Variants in RUBCN observed in about 807,000 individuals in gnomAD.
RUBCN encodes run domain Beclin-1-interacting and cysteine-rich domain-containing protein.
Under a neutral mutation model 113.2 loss-of-function variants are expected in RUBCN, and 74 were observed. That is an observed-to-expected ratio of 0.65 (90% CI 0.54 to 0.79). The LOEUF is 0.79. Among genes scored for constraint, RUBCN ranks in the 30% least tolerant of loss-of-function variants. The pLI is 0.00. For missense variants in RUBCN, 1,109 were observed against 1,251.7 expected (o/e 0.89, Z 1.72); for synonymous variants, 480 against 490.0 (o/e 0.98, Z 0.27).
At chr3:197,724,774 A>G (rs1306713926) in intron 1 of RUBCN, among the ~76,000 whole-genome samples, 2 of 152,252 alleles carry the variant, frequency 1.3e-5, no homozygotes, top group African/African-American at 4.8e-5. Flanking sequence ...TACGATCTCA[A>G]CATAAAAATA....
chr3:197,691,032 A>C, intron 11 of RUBCN: 1 of 1,071,060 alleles, frequency 9.3e-7, no homozygotes, highest in South Asian at 1.3e-5. Context: ...ACATTCTCAC[A>C]CATGCATCTA....
chr3:197,723,502 A>T (rs1026415315), intron 1 of RUBCN, among the ~76,000 whole-genome samples: 10 of 152,322 alleles, frequency 6.6e-5, no homozygotes, highest in African/African-American at 2.4e-4. Flanking sequence ...AAGTTATTTT[A>T]AACTGACAGT....
chr3:197,717,187 C>T (rs1339829898), intron 2 of RUBCN, among the ~76,000 whole-genome samples: 2 of 151,052 alleles, frequency 1.3e-5, no homozygotes. Context: ...GTAATCCCAG[C>T]ACTTTGGGAG....
rs545198851 is a variant in RUBCN, at chr3:197,672,694, T to A, written c.*2324A>T. 2 of 152,348 alleles carry A rather than the reference T, an allele frequency of 1.3e-5. No individual in the cohort carries two copies. Among genetic ancestry groups the A allele is most frequent in the East Asian group, 3.8e-4 (2 of 5,196 alleles). 9.4% of individuals were successfully genotyped at this position (152,348 alleles called of 1,614,324 possible). A position where few individuals can be genotyped will look rare whatever the true frequency, so the allele number is the denominator to read the frequency against. On this transcript the variant is annotated 3_prime_UTR_variant, in exon 20 of 20. Coordinates refer to ENST00000296343, the MANE Select transcript of RUBCN (RefSeq NM_014687.4). Reference sequence around the variant, plus strand: ...TGACCTGGAGAAAGAGCTGGATGTGTCACCTTTTTGTTTTTTGAGACGGAG... The same window carrying A: ...TGACCTGGAGAAAGAGCTGGATGTGACACCTTTTTGTTTTTTGAGACGGAG...
At chr3:197,691,535 G>A (rs1030194952) in intron 11 of RUBCN, among the ~76,000 whole-genome samples, 1 of 152,146 alleles carries the variant, frequency 6.6e-6, no homozygotes. Flanking sequence ...TGGCCCACGT[G>A]TTGGGAAACC....
chr3:197,717,915 T>C lies in RUBCN; in HGVS notation c.219+62A>G, dbSNP rs544053818. 4 of 1,598,346 alleles carry C rather than the reference T, an allele frequency of 2.5e-6. No homozygotes were observed. In the African/African-American group the frequency reaches 4.0e-5, roughly 16 times the overall value. ...GTGGCCTTCATCTCCTCCCTGCCAA[T>C]GCGACTGTTTCTTTTCAACAAGCGA... On this transcript the variant is annotated intron_variant, in intron 2 of 19. Transcript: ENST00000296343.
At chr3:197,686,915 T>A (rs1049753364) in intron 11 of RUBCN, among the ~76,000 whole-genome samples, 2 of 152,150 alleles carry the variant, frequency 1.3e-5, no homozygotes, top group Non-Finnish European at 2.9e-5. Context: ...TATTACTGAC[T>A]GAAAAAAGTT....
At position 197,715,390 on chromosome 3, in the gene RUBCN, C is replaced by G. The variant is rs1725414723; in HGVS notation, c.219+2587G>C. On this transcript the variant is annotated intron_variant, in intron 2 of 19. Transcript: ENST00000296343. ...TCAAACTACCATTCATAAGCGTCAACAAGGTATCTATAAAGTAAAACTCAA... is the reference window on the plus strand; with the variant it reads ...TCAAACTACCATTCATAAGCGTCAAGAAGGTATCTATAAAGTAAAACTCAA... Among the ~76,000 whole-genome samples the G allele has an allele frequency of 3.3e-5, 5 of 151,376 alleles. No individual in the cohort carries two copies. The South Asian group carries it at 1.0e-3, about 32-fold the overall frequency.
intron 1 of RUBCN, among the ~76,000 whole-genome samples, chr3:197,733,209 ATGC>A (rs1246514915): frequency 3.3e-5 from 5 of 152,346 alleles, no homozygotes; most frequent in African/African-American, 1.2e-4. Context: ...ACAGTGGCTC[ATGC>A]TTGTAATCCC....
At position 197,695,896 on chromosome 3, in the gene RUBCN, T is replaced by C. The variant is rs1159365792; in HGVS notation, c.1443A>G (p.Gln481=). The C allele has an allele frequency of 1.2e-6, 2 of 1,614,080 alleles. No individual in the cohort carries two copies. Among genetic ancestry groups the C allele is most frequent in the Admixed American group, 3.3e-5 (2 of 60,000 alleles). Residue 481 remains glutamine (Q), a synonymous_variant, in exon 9 of 20, where the codon CAA becomes CAG. Transcript: ENST00000296343. The stretch of plus-strand genomic sequence containing the variant: ...CCAGGTCGGCACAGCTGCCGAAGTC[T>C]TGCTCAGAGAGGTAGCTGATGAGGG... ...GQSLISYLSE[Q]DFGSCADLEK...
intron 2 of RUBCN, among the ~76,000 whole-genome samples, chr3:197,716,790 G>T (rs1440152707): frequency 6.6e-6 from 1 of 152,110 alleles, no homozygotes; most frequent in Non-Finnish European, 1.5e-5. Context: ...AAGGAGGGGG[G>T]TAGGCAGGAA....
chr3:197,694,343 T>C (rs1425451081), intron 10 of RUBCN, 32 bp downstream of exon 10: 1 of 1,600,588 alleles, frequency 6.2e-7, no homozygotes, highest in Admixed American at 1.7e-5. Context: ...TGGGAAAATG[T>C]GGGAACAGAA....
intron 4 of RUBCN, 35 bp downstream of exon 4, chr3:197,704,507 A>G (rs757632325): frequency 6.2e-7 from 1 of 1,601,768 alleles, no homozygotes; most frequent in Admixed American, 1.7e-5. Flanking sequence ...ACAACGAGGA[A>G]GCACAGATGA....
At chr3:197,748,620 G>A (rs892899316) in intron 1 of RUBCN, among the ~76,000 whole-genome samples, 7 of 152,120 alleles carry the variant, frequency 4.6e-5, no homozygotes, top group African/African-American at 1.7e-4. Flanking sequence ...GAAGACTCCT[G>A]GTTTTATCCA....
chr3:197,739,398 GAAAAA>G (rs67135851), upstream of RUBCN, among the ~76,000 whole-genome samples: 1 of 136,364 alleles, frequency 7.3e-6, no homozygotes, highest in East Asian at 2.2e-4. Context: ...TCTGAAAAAA[GAAAAA>G]AAAAAAAAGG....
chr3:197,722,940 G>T (rs1560462390), intron 1 of RUBCN, among the ~76,000 whole-genome samples: 1 of 152,076 alleles, frequency 6.6e-6, no homozygotes, highest in Non-Finnish European at 1.5e-5. Context: ...TTTATTTGGA[G>T]AATTTAACCC....
chr3:197,682,632 C>G lies in RUBCN; in HGVS notation c.1981-17G>C. ...GGGCAGGAGCTGCAGGAGGAAAGCA[C>G]AGTTGGGGTAAGCTCGTGTCAGTGT... On this transcript the variant is annotated splice_polypyrimidine_tract_variant and intron_variant, in intron 13 of 19. Transcript: ENST00000296343. 3.7e-6 allele frequency: 6 copies of G among 1,601,668 alleles called. No homozygotes were observed. The highest frequency in any genetic ancestry group is 5.1e-6 in the Non-Finnish European group (6 of 1,172,928).
At chr3:197,695,455 G>C (rs150612246) in intron 9 of RUBCN, among the ~76,000 whole-genome samples, 1 of 152,268 alleles carries the variant, frequency 6.6e-6, no homozygotes, top group African/African-American at 2.4e-5. Context: ...AAAAAAAATA[G>C]CCAGGTGTGG....
At chr3:197,701,926 G>A (rs777820150) in intron 5 of RUBCN, 62 bp from the exon 6 acceptor site, 5 of 1,487,554 alleles carry the variant, frequency 3.4e-6, no homozygotes, top group Non-Finnish European at 4.6e-6. Flanking sequence ...CTCAGAGTGG[G>A]GGCAACGCAG....
Sources: gnomAD v4.1 joint callset for allele counts (sites outside exome capture counted in the v4.1 genomes callset) on GRCh38, gnomAD v4.1.1 for gene constraint, MANE v1.5 for transcripts, NCBI Gene and HGNC (gene_info 2026-07-23, HGNC 2026-07-21) for gene names.